The following IDH3A variants were observed in gnomAD, a reference collection of about 807,000 sequenced individuals.
IDH3A encodes isocitrate dehydrogenase [NAD] subunit alpha, mitochondrial.
A neutral mutation model predicts 43.3 loss-of-function variants in IDH3A; 23 were observed. The ratio of observed to expected loss-of-function variants is 0.53; its 90% CI spans 0.38 to 0.75. The LOEUF is 0.75. Ranked by LOEUF, IDH3A falls within the 30% of genes least tolerant of loss-of-function variation. IDH3A has a pLI of 0.00. For missense variants in IDH3A, 329 were observed against 474.4 expected (o/e 0.69, Z 2.85); for synonymous variants, 154 against 163.5 (o/e 0.94, Z 0.44).
Position 78,171,717 on chromosome 15 carries a change from G to C in IDH3A, c.*2712G>C. 1 of 539,688 alleles carries C rather than the reference G, an allele frequency of 1.9e-6. No homozygotes were observed. Among genetic ancestry groups the C allele is most frequent in the Non-Finnish European group, 3.3e-6 (1 of 299,154 alleles). 33.4% of individuals were successfully genotyped at this position (539,688 alleles called of 1,614,324 possible). The stretch of plus-strand genomic sequence containing the variant: ...TCATATGGCTTGTGTGTAGTCTCCT[G>C]TGTTATACCACTGGTTGTGGCCAGT... On this transcript the variant is annotated 3_prime_UTR_variant, in exon 11 of 11. Coordinates refer to ENST00000299518, the MANE Select transcript of IDH3A (RefSeq NM_005530.3).
At chr15:78,152,723 A>G (rs1245326342) in intron 1 of IDH3A, among the ~76,000 whole-genome samples, 1 of 151,932 alleles carries the variant, frequency 6.6e-6, no homozygotes, top group Non-Finnish European at 1.5e-5. Flanking sequence ...GGAAAATTTT[A>G]TTTTACTTAA....
chr15:78,171,723 T>C lies in IDH3A; in HGVS notation c.*2718T>C. 1.9e-6 allele frequency: 1 copy of C among 526,796 alleles called. No homozygotes were observed. Among genetic ancestry groups the C allele is most frequent in the South Asian group, 2.3e-5 (1 of 44,104 alleles). The allele number at this position is 526,796 out of a possible 1,614,324, so 32.6% of individuals were successfully genotyped here. On this transcript the variant is annotated 3_prime_UTR_variant, in exon 11 of 11. Coordinates refer to ENST00000299518, the MANE Select transcript of IDH3A (RefSeq NM_005530.3). Reference sequence around the variant, plus strand: ...GGCTTGTGTGTAGTCTCCTGTGTTATACCACTGGTTGTGGCCAGTGGAGTA... The same window carrying C: ...GGCTTGTGTGTAGTCTCCTGTGTTACACCACTGGTTGTGGCCAGTGGAGTA...
intron 2 of IDH3A, 68 bp downstream of exon 2, chr15:78,155,343 T>C: frequency 9.4e-7 from 1 of 1,061,660 alleles, no homozygotes. Context: ...CTAACATATT[T>C]ATTATATAGC....
intron 3 of IDH3A, among the ~76,000 whole-genome samples, chr15:78,159,565 G>T (rs1010386535): frequency 5.3e-5 from 8 of 152,176 alleles, no homozygotes; most frequent in African/African-American, 1.9e-4. Context: ...AAATAAGTGG[G>T]CAGGTGGTAG....
rs577307029 is a variant in IDH3A, at chr15:78,162,318, C to T, written c.562C>T (p.Arg188Trp). The T allele has an allele frequency of 1.6e-5, 26 of 1,614,072 alleles. No homozygotes were observed. Among genetic ancestry groups the T allele is most frequent in the South Asian group, 2.2e-5 (2 of 91,068 alleles). ...TGCTGAGTTTGCCTTTGAGTATGCC[C>T]GGAACAACCACCGGAGCAACGTCAC... Reference protein sequence around the residue: ...RIAEFAFEYARNNHRSNVTAV... With the variant: ...RIAEFAFEYAWNNHRSNVTAV... The change falls in exon 6 of 11, where the codon CGG becomes TGG. Residue 188 changes from arginine (R) to tryptophan (W), a missense_variant. Arg to Trp is a moderately radical substitution (Grantham distance 101). Coordinates refer to ENST00000299518, the MANE Select transcript of IDH3A (RefSeq NM_005530.3).
At chr15:78,162,458 T>G in intron 6 of IDH3A, 91 bp downstream of exon 6, 1 of 1,365,880 alleles carries the variant, frequency 7.3e-7, no homozygotes, top group Admixed American at 2.0e-5. Flanking sequence ...GCTTGTTCCT[T>G]GATTCCTAAT....
In IDH3A at chr15:78,166,376, CAG is replaced by C. The variant is rs1176320644; in HGVS notation, c.1017+75_1017+76del. On this transcript the variant is annotated intron_variant, in intron 10 of 10. Coordinates refer to ENST00000299518, the MANE Select transcript of IDH3A (RefSeq NM_005530.3). ...ATGTGTTTTATCTGAGTGAAAGGGA[CAG>C]TGACAGATAATAGTTCTCAGGCGGG... The C allele has an allele frequency of 4.8e-6, 7 of 1,449,804 alleles. No homozygotes were observed. In the African/African-American group the frequency reaches 9.8e-5, roughly 20 times the overall value. The allele number at this position is 1,449,804 out of a possible 1,614,324, so 89.8% of individuals were successfully genotyped here. A position where few individuals can be genotyped will look rare whatever the true frequency, so the allele number is the denominator to read the frequency against.
chr15:78,157,808 C>T (rs558156270), intron 3 of IDH3A, among the ~76,000 whole-genome samples, 177 bp downstream of exon 3: 12 of 151,820 alleles, frequency 7.9e-5, no homozygotes, highest in African/African-American at 1.9e-4. Flanking sequence ...TTGCTACTGC[C>T]ATTATTTCTT....
At chr15:78,163,436 T>A (rs2074704282) in intron 6 of IDH3A, 71 bp from the exon 7 acceptor site, 1 of 1,084,068 alleles carries the variant, frequency 9.2e-7, no homozygotes, top group East Asian at 2.4e-5. Context: ...GAACTTACTT[T>A]ACTTCTTTGA....
intron 1 of IDH3A, chr15:78,154,435 AATAGAT>A (rs923827170): frequency 6.6e-6 from 1 of 152,228 alleles, no homozygotes; most frequent in Admixed American, 6.5e-5. Context: ...ATATTCACAG[AATAGAT>A]ATAATGTATA....
At chr15:78,149,832 G>C (rs2074558938) in intron 1 of IDH3A, among the ~76,000 whole-genome samples, 2 of 152,262 alleles carry the variant, frequency 1.3e-5, no homozygotes, top group Non-Finnish European at 2.9e-5. Flanking sequence ...CCTGCTGCGG[G>C]ACTGATCCCC....
intron 6 of IDH3A, among the ~76,000 whole-genome samples, chr15:78,162,878 G>A (rs553300324): frequency 5.3e-5 from 8 of 152,278 alleles, no homozygotes; most frequent in East Asian, 1.9e-4. Flanking sequence ...CTCCCTGGGC[G>A]AATGACAGGA....
chr15:78,149,485 G>A, intron 1 of IDH3A, 55 bp downstream of exon 1: 4 of 1,465,490 alleles, frequency 2.7e-6, no homozygotes, highest in Non-Finnish European at 3.6e-6. Context: ...GGGCTGGCAG[G>A]AGAGCCGGTC....
At position 78,171,934 on chromosome 15, in the gene IDH3A, G is replaced by A. The variant is rs775958279; in HGVS notation, c.*2929G>A. On this transcript the variant is annotated 3_prime_UTR_variant, in exon 11 of 11. Transcript: ENST00000299518. ...TCTCTTGAATGAATAAATTGTTGAA[G>A]CAATTAAAAAATAGACTAGGTTTCT... is the stretch of plus-strand genomic sequence containing the variant. The A allele has an allele frequency of 3.2e-5, 5 of 156,854 alleles. No homozygotes were observed. Among genetic ancestry groups the A allele is most frequent in the Admixed American group, 1.3e-4 (2 of 15,746 alleles). The allele number at this position is 156,854 out of a possible 1,614,324, so 9.7% of individuals were successfully genotyped here.
Position 78,171,635 on chromosome 15 carries a change from G to A in IDH3A, c.*2630G>A. 1 of 937,920 alleles carries A rather than the reference G, an allele frequency of 1.1e-6. No individual in the cohort carries two copies. Among genetic ancestry groups the A allele is most frequent in the East Asian group, 2.7e-5 (1 of 37,544 alleles). The allele number at this position is 937,920 out of a possible 1,614,324, so 58.1% of individuals were successfully genotyped here. On this transcript the variant is annotated 3_prime_UTR_variant, in exon 11 of 11. Transcript: ENST00000299518. ...GTCCTATATATAACTCAGGAATTAA[G>A]CCAGATAATCAGGACCGTCAGTAGC... is the stretch of plus-strand genomic sequence containing the variant.
rs758786377 is a variant in IDH3A at position 78,157,553 on chromosome 15, G to C, written c.96G>C (p.Gln32His). Residue 32 changes from glutamine to histidine, a missense_variant, in exon 3 of 11, where the codon CAG becomes CAC. Gln to His is a conservative substitution (Grantham distance 24). Transcript: ENST00000299518. ...TGATGATTTCTTATGTTCAGGTTCA[G>C]ACAGTAACTTTAATTCCAGGAGATG... ...QVTRGFTGGV[Q>H]TVTLIPGDGI... 1 of 1,608,964 alleles carries C rather than the reference G, an allele frequency of 6.2e-7. No homozygotes were observed. The highest frequency in any genetic ancestry group is 8.5e-7 in the Non-Finnish European group (1 of 1,177,004).
rs540707810 is a variant in IDH3A, at chr15:78,161,391, C to T, written c.290-190C>T. On this transcript the variant is annotated intron_variant, in intron 4 of 10. Coordinates refer to ENST00000299518, the MANE Select transcript of IDH3A (RefSeq NM_005530.3). The surrounding 1 kb of genome is among the most constrained non-coding windows in gnomAD (Gnocchi z 4.8). The stretch of plus-strand genomic sequence containing the variant: ...TACAATGCTTGATCCTCAGGAAGTT[C>T]TGAAGATAAGAAACGCAGTTAATGT... Among the ~76,000 whole-genome samples, 1 of 152,266 alleles carries T rather than the reference C, an allele frequency of 6.6e-6. No individual in the cohort carries two copies. Among genetic ancestry groups the T allele is most frequent in the Non-Finnish European group, 1.5e-5 (1 of 68,020 alleles).
chr15:78,159,295 C>T (rs551312280), intron 3 of IDH3A, among the ~76,000 whole-genome samples: 19 of 152,056 alleles, frequency 1.2e-4, no homozygotes, highest in Middle Eastern at 3.4e-3. Context: ...TCCCTCCCTA[C>T]CCCCTCCTCC....
intron 6 of IDH3A, among the ~76,000 whole-genome samples, chr15:78,163,213 TTAA>T (rs888972871): frequency 6.6e-6 from 1 of 152,206 alleles, no homozygotes; most frequent in African/African-American, 2.4e-5. Context: ...TAAAGCAATT[TTAA>T]TAATATTAGT....
Sources: gnomAD v4.1 joint callset for allele counts (sites outside exome capture counted in the v4.1 genomes callset) on GRCh38, gnomAD v4.1.1 for gene constraint, Gnocchi (gnomAD v3.1) non-coding constraint, MANE v1.5 for transcripts, NCBI Gene and HGNC (gene_info 2026-07-23, HGNC 2026-07-21) for gene names.